Variants in CCDC191 observed in about 807,000 individuals in gnomAD.
CCDC191 encodes coiled-coil domain-containing protein 191.
Under a neutral mutation model 114.0 loss-of-function variants are expected in CCDC191, and 99 were observed. That is an observed-to-expected ratio of 0.87 (90% CI 0.74 to 1.03). The LOEUF is 1.03. Ranked by LOEUF, CCDC191 falls within the 50% of genes least tolerant of loss-of-function variation. The probability of loss-of-function intolerance (pLI) is 0.00; values close to 1 mark genes in which losing one functional copy is unlikely to be tolerated. For missense variants in CCDC191, 973 were observed against 1,087.0 expected, an observed-to-expected ratio of 0.90 and a Z score of 1.47; for synonymous variants, 351 against 376.0, an observed-to-expected ratio of 0.93 and a Z score of 0.77.
In CCDC191 at chr3:113,965,377, G is replaced by T. The variant is rs1559860873; in HGVS notation, c.2607-18C>A. On this transcript the variant is annotated intron_variant, in intron 16 of 16. Coordinates refer to ENST00000295878, the MANE Select transcript of CCDC191 (RefSeq NM_020817.2). ...GGATCCTCCTTTAAGAATAAAGAAGGAAAAAAGTGAAATGTTGAGAAAAAG... is the reference window on the plus strand; with the variant it reads ...GGATCCTCCTTTAAGAATAAAGAAGTAAAAAAGTGAAATGTTGAGAAAAAG... 2.7e-6 allele frequency: 4 copies of T among 1,490,426 alleles called. No homozygotes were observed. The highest frequency in any genetic ancestry group is 3.6e-6 in the Non-Finnish European group (4 of 1,106,404). 92.3% of individuals were successfully genotyped at this position (1,490,426 alleles called of 1,614,324 possible).
intron 7 of CCDC191, among the ~76,000 whole-genome samples, chr3:114,019,549 A>T (rs1464918008): frequency 7.9e-5 from 12 of 152,142 alleles, no homozygotes; most frequent in Admixed American, 7.9e-4. Context: ...AATCACTGAG[A>T]CCTAGTCCTT....
At chr3:114,038,499 T>G (rs146846302) in intron 4 of CCDC191, among the ~76,000 whole-genome samples, 1 of 152,360 alleles carries the variant, frequency 6.6e-6, no homozygotes, top group East Asian at 1.9e-4. Context: ...TACCACATTT[T>G]CTTTATCCAG....
intron 12 of CCDC191, 75 bp downstream of exon 12, chr3:114,002,381 G>A (rs1004523523): frequency 7.8e-5 from 85 of 1,088,270 alleles, no homozygotes; most frequent in Non-Finnish European, 1.1e-4. Context: ...TTCTGAAAAA[G>A]CAAGGTTTCA....
chr3:114,021,997 G>A lies in CCDC191; in HGVS notation c.973-3129C>T, dbSNP rs547813973. ...TTATCATAGTTGTGGTAATAATTAA[G>A]GCTTGATATAGGTAAATAAAATACA... On this transcript the variant is annotated intron_variant, in intron 7 of 16. Coordinates refer to ENST00000295878, the MANE Select transcript of CCDC191 (RefSeq NM_020817.2). Among the ~76,000 whole-genome samples, 17 of 152,142 alleles carry A rather than the reference G, an allele frequency of 1.1e-4. No homozygotes were observed. In the South Asian group the frequency reaches 3.5e-3, roughly 32 times the overall value.
At chr3:113,975,521 T>C (rs1202730633) in intron 16 of CCDC191, among the ~76,000 whole-genome samples, 1 of 152,216 alleles carries the variant, frequency 6.6e-6, no homozygotes, top group Non-Finnish European at 1.5e-5. Flanking sequence ...GTGTTACCTA[T>C]GTACTGAGCG....
At chr3:113,992,734 AAAG>A (rs1368217954) in intron 13 of CCDC191, among the ~76,000 whole-genome samples, 1 of 152,208 alleles carries the variant, frequency 6.6e-6, no homozygotes, top group African/African-American at 2.4e-5. Flanking sequence ...TAATAAAAAA[AAAG>A]AATTAATGCC....
At chr3:114,034,179 CAT>C (rs2076447928) in intron 6 of CCDC191, among the ~76,000 whole-genome samples, 1 of 152,088 alleles carries the variant, frequency 6.6e-6, no homozygotes, top group African/African-American at 2.4e-5. Context: ...GGTGACTTTC[CAT>C]ATGTTTATCA....
intron 7 of CCDC191, among the ~76,000 whole-genome samples, chr3:114,024,370 A>T (rs546890072): frequency 1.0e-3 from 152 of 152,356 alleles, no homozygotes; most frequent in African/African-American, 3.4e-3. Flanking sequence ...AAAGGATTAT[A>T]AATCATGCTG....
chr3:114,006,767 T>A (rs2075978634), intron 9 of CCDC191, among the ~76,000 whole-genome samples: 1 of 151,854 alleles, frequency 6.6e-6, no homozygotes, highest in Non-Finnish European at 1.5e-5. Context: ...AAATGAATAA[T>A]ATATCTCTTT....
intron 7 of CCDC191, among the ~76,000 whole-genome samples, chr3:114,019,438 A>G (rs534040868): frequency 1.3e-5 from 2 of 152,286 alleles, no homozygotes; most frequent in African/African-American, 4.8e-5. Flanking sequence ...CAGGCTGCCT[A>G]TAATCTTCCA....
intron 16 of CCDC191, among the ~76,000 whole-genome samples, chr3:113,975,184 T>G (rs1941214423): frequency 6.6e-6 from 1 of 152,188 alleles, no homozygotes; most frequent in South Asian, 2.1e-4. Flanking sequence ...ATCAGACATA[T>G]TATAAATACT....
At chr3:114,043,823 C>T (rs1193590586) in intron 3 of CCDC191, among the ~76,000 whole-genome samples, 1 of 152,032 alleles carries the variant, frequency 6.6e-6, no homozygotes, top group Admixed American at 6.5e-5. Context: ...GGTCAGATTA[C>T]AGAAAAGAAT....
At position 113,965,247 on chromosome 3, in the gene CCDC191, G is replaced by T. The variant is rs747316219; in HGVS notation, c.2719C>A (p.Leu907Ile). 44 of 1,611,884 alleles carry T rather than the reference G, an allele frequency of 2.7e-5. 1 individual carries two copies. The Admixed American group carries it at 6.0e-4, about 22-fold the overall frequency. ...CTTCCAGGTACCTGGAAGTCTGGAA[G>T]AATTTCAACTACCTTCCTACGAAGT... ...QQLRRKVVEI[L>I]PDFQVPGRYH... The change falls in exon 17 of 17, where the codon CTT becomes ATT. Residue 907 changes from leucine to isoleucine, a missense_variant. Physicochemically the swap from Leu to Ile is conservative, Grantham distance 5. Transcript: ENST00000295878.
At position 114,031,767 on chromosome 3, in the gene CCDC191, C is replaced by T. The variant is rs776676351; in HGVS notation, c.831G>A (p.Arg277=). The change falls in exon 7 of 17, where the codon AGG becomes AGA. Residue 277 remains arginine (R), a synonymous_variant. Transcript: ENST00000295878. Reference sequence around the variant, plus strand: ...AACTATTTTGAGAATTCTCTTCTTGCCTTTTCTTCTCTCTATTAATAACAA... The same window carrying T: ...AACTATTTTGAGAATTCTCTTCTTGTCTTTTCTTCTCTCTATTAATAACAA... ...VKAAWKIEKK[R]QEENSQNSSE... The T allele has an allele frequency of 7.1e-7, 1 of 1,400,680 alleles. No individual in the cohort carries two copies. The highest frequency in any genetic ancestry group is 1.0e-6 in the Non-Finnish European group (1 of 995,734). 86.8% of individuals were successfully genotyped at this position (1,400,680 alleles called of 1,614,324 possible). A position where few individuals can be genotyped will look rare whatever the true frequency, so the allele number is the denominator to read the frequency against.
chr3:113,986,565 C>T (rs767769562), intron 13 of CCDC191, among the ~76,000 whole-genome samples: 1 of 152,064 alleles, frequency 6.6e-6, no homozygotes, highest in Non-Finnish European at 1.5e-5. Flanking sequence ...AAGAAAAAGT[C>T]TTGAAGGTAG....
At chr3:114,034,876 A>C (rs1451919274) in intron 6 of CCDC191, 49 bp downstream of exon 6, 2 of 1,522,210 alleles carry the variant, frequency 1.3e-6, no homozygotes, top group Middle Eastern at 2.3e-4. Context: ...CATTTCTAAA[A>C]TGACTGCTTA....
intron 9 of CCDC191, 106 bp from the exon 10 acceptor site, chr3:114,006,068 G>C: frequency 1.0e-6 from 1 of 984,970 alleles, no homozygotes; most frequent in Non-Finnish European, 1.6e-6. Flanking sequence ...CAACTGCCAT[G>C]TATTGCAGGT....
Position 114,006,141 on chromosome 3 carries a change from C to T in CCDC191, c.1414-179G>A, listed in dbSNP as rs2075955163. On this transcript the variant is annotated intron_variant, in intron 9 of 16. Transcript: ENST00000295878. ...GCCACCACTCTTAAAACATGCATTG[C>T]TGCTCACCATGAAAACTGGGAGAGT... The T allele has an allele frequency of 4.4e-6, 3 of 685,948 alleles. No individual in the cohort carries two copies. The East Asian group carries it at 8.2e-5, about 19-fold the overall frequency. The allele number at this position is 685,948 out of a possible 1,614,324, so 42.5% of individuals were successfully genotyped here.
At chr3:113,991,105 G>A (rs879564639) in intron 13 of CCDC191, among the ~76,000 whole-genome samples, 22 of 151,584 alleles carry the variant, frequency 1.5e-4, no homozygotes, top group Non-Finnish European at 8.8e-5. Flanking sequence ...GTGTGGTGGC[G>A]CATGCCTCTA....
Sources: allele counts gnomAD v4.1 joint callset (sites outside exome capture counted in the v4.1 genomes callset), GRCh38; gene constraint gnomAD v4.1.1; transcripts MANE v1.5; gene names NCBI Gene and HGNC (gene_info 2026-07-23, HGNC 2026-07-21).